Variants in HIPK3 observed in about 807,000 individuals in gnomAD.
HIPK3 encodes the protein homeodomain-interacting protein kinase 3.
A neutral mutation model predicts 124.2 loss-of-function variants in HIPK3; 47 were observed. The ratio of observed to expected loss-of-function variants is 0.38; its 90% CI spans 0.30 to 0.48. The LOEUF (loss-of-function observed/expected upper bound fraction) is 0.48, where lower values mean the gene tolerates loss of function less well. Among genes scored for constraint, HIPK3 ranks in the 20% least tolerant of loss-of-function variants. HIPK3 has a pLI of 0.98. For missense variants in HIPK3, 1,286 were observed against 1,454.3 expected (o/e 0.88, Z 1.88); for synonymous variants, 482 against 515.2 (o/e 0.94, Z 0.87).
At chr11:33,349,080 A>C (rs958114831) in intron 13 of HIPK3, 67 bp from the exon 14 acceptor site, 2 of 1,420,614 alleles carry the variant, frequency 1.4e-6, no homozygotes, top group South Asian at 1.3e-5. Context: ...AAAGAATATA[A>C]ATTTTGGCTA....
At chr11:33,350,117 A>C (rs945160555) in intron 14 of HIPK3, among the ~76,000 whole-genome samples, 2 of 152,206 alleles carry the variant, frequency 1.3e-5, no homozygotes, top group Admixed American at 1.3e-4. Context: ...TTTCAGCCCC[A>C]CAGACTACTA....
At chr11:33,311,910 T>TACACACACACACACACACAC (rs71034671) in intron 2 of HIPK3, among the ~76,000 whole-genome samples, 24 of 114,376 alleles carry the variant, frequency 2.1e-4, no homozygotes, top group South Asian at 2.0e-3. Flanking sequence ...ACCCTGTTTC[T>TACACACACACACACACACAC]ACACACACAC....
intron 2 of HIPK3, among the ~76,000 whole-genome samples, chr11:33,302,225 C>T (rs890676350): frequency 6.6e-6 from 1 of 152,132 alleles, no homozygotes; most frequent in African/African-American, 2.4e-5. Context: ...TAACTGCCCT[C>T]CATTCCTTCC....
intron 2 of HIPK3, among the ~76,000 whole-genome samples, chr11:33,317,806 T>G (rs991639397): frequency 6.6e-6 from 1 of 152,172 alleles, no homozygotes; most frequent in Non-Finnish European, 1.5e-5. Flanking sequence ...CTTGTAAGAA[T>G]TTGTTGAGTG....
At chr11:33,317,651 T>A (rs940026285) in intron 2 of HIPK3, among the ~76,000 whole-genome samples, 2 of 152,232 alleles carry the variant, frequency 1.3e-5, no homozygotes, top group African/African-American at 4.8e-5. Context: ...CCTTGCCAGG[T>A]TGATTCCTCA....
At chr11:33,316,132 C>CAT (rs1442242226) in intron 2 of HIPK3, among the ~76,000 whole-genome samples, 4 of 152,068 alleles carry the variant, frequency 2.6e-5, no homozygotes, top group Non-Finnish European at 5.9e-5. Flanking sequence ...CGAAAACATT[C>CAT]ATAACAAAAA....
At chr11:33,330,686 AG>A (rs1852952070) in intron 3 of HIPK3, among the ~76,000 whole-genome samples, 2 of 152,264 alleles carry the variant, frequency 1.3e-5, no homozygotes, top group African/African-American at 4.8e-5. Flanking sequence ...AATAAATTGT[AG>A]TGATTTTGTG....
chr11:33,325,702 A>G (rs1324589804), intron 2 of HIPK3, among the ~76,000 whole-genome samples: 1 of 152,172 alleles, frequency 6.6e-6, no homozygotes, highest in African/African-American at 2.4e-5. Context: ...TGTTTACTGA[A>G]TGCATATTCT....
intron 2 of HIPK3, among the ~76,000 whole-genome samples, chr11:33,318,541 A>G (rs1019023659): frequency 6.6e-6 from 1 of 152,188 alleles, no homozygotes; most frequent in Non-Finnish European, 1.5e-5. Context: ...ATGAATATCA[A>G]ATGGGTTAAT....
At position 33,286,738 on chromosome 11, in the gene HIPK3, G is replaced by C. The variant is rs1851565235; in HGVS notation, c.324G>C (p.Gln108His). 9 of 1,613,972 alleles carry C rather than the reference G, an allele frequency of 5.6e-6. No individual in the cohort carries two copies. Among genetic ancestry groups the C allele is most frequent in the Non-Finnish European group, 5.9e-6 (7 of 1,180,022 alleles). The change falls in exon 2 of 17, where the codon CAG (glutamine) becomes CAC (histidine). Residue 108 changes from glutamine (Q) to histidine (H), a missense_variant. Around this residue, in one of 3 missense-constraint regions of HIPK3, gnomAD observed 225 missense variants for 240.3 expected, o/e 0.94. Transcript: ENST00000303296. ...AGCAAGCTCACGTGCAGGCACCTCA[G>C]ATTGGGGCGTGGCGAAACAGATTGC... is the stretch of plus-strand genomic sequence containing the variant. ...QAQQAHVQAP[Q>H]IGAWRNRLHF...
chr11:33,292,173 G>C (rs1851716485), intron 2 of HIPK3, among the ~76,000 whole-genome samples: 1 of 152,078 alleles, frequency 6.6e-6, no homozygotes, highest in South Asian at 2.1e-4. Context: ...TTCTCTATGG[G>C]GTAGTTAAGA....
intron 1 of HIPK3, among the ~76,000 whole-genome samples, chr11:33,263,076 C>G (rs1222148908): frequency 2.0e-5 from 3 of 152,164 alleles, no homozygotes; most frequent in South Asian, 4.1e-4. Flanking sequence ...TGCTTTGTTG[C>G]TCTGGCTGGT....
chr11:33,334,130 G>C (rs1461323078), intron 3 of HIPK3, among the ~76,000 whole-genome samples: 1 of 152,030 alleles, frequency 6.6e-6, no homozygotes, highest in African/African-American at 2.4e-5. Flanking sequence ...ATACAAATGT[G>C]GATAAAACAG....
chr11:33,336,811 A>G (rs1853162835), intron 3 of HIPK3, among the ~76,000 whole-genome samples: 1 of 152,144 alleles, frequency 6.6e-6, no homozygotes, highest in Non-Finnish European at 1.5e-5. Context: ...GTCCTTTAAC[A>G]CCAAACTTGA....
intron 2 of HIPK3, among the ~76,000 whole-genome samples, chr11:33,303,928 G>C (rs61887926): frequency 6.6e-6 from 1 of 151,822 alleles, no homozygotes; most frequent in African/African-American, 2.4e-5. Context: ...AAAATTATTT[G>C]ATATATATGT....
intron 6 of HIPK3, among the ~76,000 whole-genome samples, chr11:33,340,473 A>G (rs1170990548): frequency 2.0e-5 from 3 of 152,232 alleles, no homozygotes; most frequent in Non-Finnish European, 4.4e-5. Context: ...TTAAAAAGAC[A>G]AAATGAAGAA....
chr11:33,278,637 G>A (rs1258332226), intron 1 of HIPK3, among the ~76,000 whole-genome samples: 1 of 152,152 alleles, frequency 6.6e-6, no homozygotes, highest in Non-Finnish European at 1.5e-5. Flanking sequence ...GAGGTCAGGA[G>A]ATCGAGACCA....
intron 1 of HIPK3, among the ~76,000 whole-genome samples, chr11:33,261,085 C>T (rs971519387): frequency 2.1e-5 from 3 of 143,944 alleles, no homozygotes; most frequent in East Asian, 3.9e-4. Flanking sequence ...CGGTGTAAGT[C>T]TAAAGGGATT....
chr11:33,269,757 AT>A (rs34433604), intron 1 of HIPK3, among the ~76,000 whole-genome samples: 3 of 151,384 alleles, frequency 2.0e-5, no homozygotes, highest in Non-Finnish European at 2.9e-5. Flanking sequence ...GCTCCCCTGT[AT>A]TTTTTTTATT....
Sources: gnomAD v4.1 joint callset for allele counts (sites outside exome capture counted in the v4.1 genomes callset) on GRCh38, gnomAD v4.1.1 for gene constraint, gnomAD v4.1.1 regional missense constraint, MANE v1.5 for transcripts, NCBI Gene and HGNC (gene_info 2026-07-23, HGNC 2026-07-21) for gene names.